Variants in PLD3 observed in about 807,000 individuals in gnomAD.
PLD3 encodes phospholipase D family member 3.
A neutral mutation model predicts 58.4 loss-of-function variants in PLD3; 31 were observed. That is an observed-to-expected ratio of 0.53 (90% CI 0.40 to 0.72). PLD3 has a LOEUF of 0.72. PLD3 is among the 30% of genes least tolerant of loss of function. The probability of loss-of-function intolerance (pLI) is 0.00; values close to 1 mark genes in which losing one functional copy is unlikely to be tolerated. For synonymous variants in PLD3, 264 were observed against 273.4 expected (o/e 0.97, Z 0.34); for missense variants, 595 against 659.8 (o/e 0.90, Z 1.08).
chr19:40,365,172 C>T (rs1215834366), intron 1 of PLD3, among the ~76,000 whole-genome samples: 1 of 152,012 alleles, frequency 6.6e-6, no homozygotes, highest in Non-Finnish European at 1.5e-5. Context: ...AGAGGTGCCA[C>T]CCTGCCGTGA....
At chr19:40,354,039 G>T (rs892975449) in intron 1 of PLD3, among the ~76,000 whole-genome samples, 2 of 148,720 alleles carry the variant, frequency 1.3e-5, no homozygotes, top group Non-Finnish European at 3.0e-5. Flanking sequence ...GGCTACAGGC[G>T]CATACCACCA....
At position 40,378,022 on chromosome 19, in the gene PLD3, C is replaced by A. The variant is rs1464196057; in HGVS notation, c.1322C>A (p.Thr441Lys). 6.2e-7 allele frequency: 1 copy of A among 1,613,230 alleles called. No homozygotes were observed. The highest frequency in any genetic ancestry group is 8.5e-7 in the Non-Finnish European group (1 of 1,179,620). ...SNWSGNYFTE[T>K]AGTSLLVTQN... ...TGGTCTGGCAACTACTTCACGGAGA[C>A]GGCGGGCACCTCGCTGCTGGTGACG... Residue 441 changes from threonine (T) to lysine (K), a missense_variant, in exon 13 of 13, where the codon ACG becomes AAG. Transcript: ENST00000409735.
intron 1 of PLD3, among the ~76,000 whole-genome samples, chr19:40,364,669 G>A (rs1365449607): frequency 3.9e-5 from 6 of 151,916 alleles, no homozygotes; most frequent in African/African-American, 7.2e-5. Flanking sequence ...GGTGGCGGGC[G>A]CCTGTAGTCC....
intron 10 of PLD3, 105 bp from the exon 11 acceptor site, chr19:40,376,504 A>C (rs2079204761): frequency 9.0e-7 from 1 of 1,113,652 alleles, no homozygotes; most frequent in East Asian, 2.4e-5. Context: ...AGTCCTCTCA[A>C]TAGCTAAAGC....
At chr19:40,367,373 G>T in intron 5 of PLD3, 1 of 279,246 alleles carries the variant, frequency 3.6e-6, no homozygotes, top group Non-Finnish European at 6.7e-6. Context: ...TTGAGCCCAG[G>T]AGTTCCAGAC....
chr19:40,375,012 C>T (rs573280927), intron 10 of PLD3, among the ~76,000 whole-genome samples: 12 of 151,994 alleles, frequency 7.9e-5, no homozygotes, highest in Non-Finnish European at 1.5e-4. Flanking sequence ...AAAAATTAGC[C>T]GGGCGTGGTG....
intron 9 of PLD3, among the ~76,000 whole-genome samples, chr19:40,373,603 G>A (rs1215226803): frequency 2.6e-5 from 4 of 151,170 alleles, no homozygotes; most frequent in Non-Finnish European, 4.4e-5. Context: ...GGGGAAGCGG[G>A]GGAGCGGGGG....
At position 40,375,537 on chromosome 19, in the gene PLD3, C is replaced by A. The variant is rs537429800; in HGVS notation, c.1019+917C>A. On this transcript the variant is annotated intron_variant, in intron 10 of 12. Coordinates refer to ENST00000409735, the MANE Select transcript of PLD3 (RefSeq NM_012268.4). ...TGGTGGCAGGCGCCTGTAGTCCCAG[C>A]TACTTGGGAGGCTGAGGCAGGAGAA... 7.3e-5 allele frequency among the ~76,000 whole-genome samples: 11 copies of A among 151,170 alleles called. No homozygotes were observed. The South Asian group carries it at 2.3e-3, about 32-fold the overall frequency.
intron 1 of PLD3, among the ~76,000 whole-genome samples, chr19:40,363,329 G>T: frequency 6.8e-6 from 1 of 147,326 alleles, no homozygotes; most frequent in East Asian, 1.9e-4. Flanking sequence ...GTGGTCAACC[G>T]CCTCTAAGAC....
rs181236876 is a variant in PLD3 at position 40,354,353 on chromosome 19, T to C, written c.-279+5585T>C. ...TCCCAAAGTGCTGGGGTTACAGGCG[T>C]GAGCCACCACGCCTGGCCTAGGCTT... On this transcript the variant is annotated intron_variant, in intron 1 of 12. Coordinates refer to ENST00000409735, the MANE Select transcript of PLD3 (RefSeq NM_012268.4). 2.9e-3 allele frequency among the ~76,000 whole-genome samples: 437 copies of C among 151,720 alleles called. 1 individual carries two copies. The highest frequency in any genetic ancestry group is 9.9e-3 in the African/African-American group (409 of 41,374).
Position 40,363,339 on chromosome 19 carries a change from C to T in PLD3, c.-278-2379C>T, listed in dbSNP as rs549128686. On this transcript the variant is annotated intron_variant, in intron 1 of 12. Transcript: ENST00000409735. ...ATGTTGTGGTCAACCGCCTCTAAGACTGATGTTATCTTCTGCTTCTCCTAG... is the reference window on the plus strand; with the variant it reads ...ATGTTGTGGTCAACCGCCTCTAAGATTGATGTTATCTTCTGCTTCTCCTAG... Among the ~76,000 whole-genome samples, 1,248 of 144,686 alleles carry T rather than the reference C, an allele frequency of 8.6e-3. 8 individuals are homozygous for T. Among genetic ancestry groups the T allele is most frequent in the South Asian group, 0.035 (169 of 4,804 alleles). 94.9% of individuals were successfully genotyped at this position (144,686 alleles called of 152,430 possible).
At chr19:40,351,141 G>A (rs1339895692) in intron 1 of PLD3, among the ~76,000 whole-genome samples, 2 of 151,912 alleles carry the variant, frequency 1.3e-5, no homozygotes, top group Admixed American at 6.6e-5. Flanking sequence ...AGAGGTGGGG[G>A]GATCGCTTGA....
intron 9 of PLD3, among the ~76,000 whole-genome samples, chr19:40,372,327 C>CAAAA (rs960727873): frequency 6.7e-6 from 1 of 149,858 alleles, no homozygotes; most frequent in Non-Finnish European, 1.5e-5. Flanking sequence ...TCTTTACAAA[C>CAAAA]AAACAAACAA....
intron 1 of PLD3, among the ~76,000 whole-genome samples, chr19:40,350,408 C>CA (rs2078481433): frequency 6.6e-6 from 1 of 151,856 alleles, no homozygotes. Context: ...TATATGTGCC[C>CA]AACACTGCTA....
At chr19:40,353,950 A>G (rs2078585646) in intron 1 of PLD3, among the ~76,000 whole-genome samples, 1 of 151,950 alleles carries the variant, frequency 6.6e-6, no homozygotes, top group African/African-American at 2.4e-5. Flanking sequence ...GCTGGAGTGC[A>G]GTGGTGCAGT....
At position 40,369,951 on chromosome 19, in the gene PLD3, G is replaced by A. The variant is rs1263055131; in HGVS notation, c.473G>A (p.Gly158Asp). Reference sequence around the variant, plus strand: ...CAGCTGCAGACCCTGGCACCAAAGGGCGTGAACGTCCGCATCGCTGTGAGC... The same window carrying A: ...CAGCTGCAGACCCTGGCACCAAAGGACGTGAACGTCCGCATCGCTGTGAGC... ...LRQLQTLAPK[G>D]VNVRIAVSKP... Residue 158 changes from glycine (G) to aspartate (D), a missense_variant, in exon 7 of 13, where the codon GGC (glycine) becomes GAC (aspartate). By Grantham distance (94) the Gly-to-Asp change is moderately conservative. Transcript: ENST00000409735. 6.4e-7 allele frequency: 1 copy of A among 1,562,490 alleles called. No homozygotes were observed. Among genetic ancestry groups the A allele is most frequent in the South Asian group, 1.2e-5 (1 of 85,056 alleles).
chr19:40,350,855 G>C (rs1336734991), intron 1 of PLD3, among the ~76,000 whole-genome samples: 1 of 152,072 alleles, frequency 6.6e-6, no homozygotes, highest in Non-Finnish European at 1.5e-5. Flanking sequence ...AGGGGCATGG[G>C]GAATGTGGGG....
intron 1 of PLD3, among the ~76,000 whole-genome samples, chr19:40,364,798 C>CA (rs1171446806): frequency 0.017 from 1,126 of 67,144 alleles, 23 homozygotes; most frequent in African/African-American, 0.043. Context: ...ACTGCGTCTC[C>CA]AAAAAAAAAA....
At chr19:40,361,848 T>C (rs935159472) in intron 1 of PLD3, among the ~76,000 whole-genome samples, 2 of 152,080 alleles carry the variant, frequency 1.3e-5, no homozygotes, top group African/African-American at 4.8e-5. Flanking sequence ...ATCACCTTTT[T>C]TTTTTATTTT....
Sources: allele counts gnomAD v4.1 joint callset (sites outside exome capture counted in the v4.1 genomes callset), GRCh38; gene constraint gnomAD v4.1.1; transcripts MANE v1.5; gene names NCBI Gene and HGNC (gene_info 2026-07-23, HGNC 2026-07-21).